Variants in CD44 observed in about 807,000 individuals in gnomAD.
The protein encoded by CD44 is CD44 antigen.
A neutral mutation model predicts 88.8 loss-of-function variants in CD44; 49 were observed. The ratio of observed to expected loss-of-function variants is 0.55; its 90% CI spans 0.44 to 0.70. The LOEUF (loss-of-function observed/expected upper bound fraction) is 0.70. Ranked by LOEUF, CD44 falls within the 30% of genes least tolerant of loss-of-function variation. The pLI, the probability that CD44 is intolerant of heterozygous loss-of-function variation, is 0.00. For missense variants in CD44, 883 were observed against 913.8 expected (o/e 0.97, Z 0.43); for synonymous variants, 325 against 312.3 (o/e 1.04, Z -0.43).
intron 4 of CD44, among the ~76,000 whole-genome samples, chr11:35,187,996 T>C (rs1002186363): frequency 3.3e-5 from 5 of 152,190 alleles, no homozygotes; most frequent in African/African-American, 1.2e-4. Context: ...TGAGCCACCA[T>C]GCCTGGCCTA....
intron 1 of CD44, among the ~76,000 whole-genome samples, chr11:35,158,395 A>C (rs1942179249): frequency 1.3e-5 from 2 of 152,232 alleles, no homozygotes. Context: ...CAGTTCTGCC[A>C]GTCACCAATT....
At chr11:35,156,105 G>A (rs775104440) in intron 1 of CD44, among the ~76,000 whole-genome samples, 6 of 152,172 alleles carry the variant, frequency 3.9e-5, no homozygotes, top group Admixed American at 2.0e-4. Context: ...CTTTCAAGGG[G>A]TCTGGAATTG....
Position 35,211,297 on chromosome 11 carries a change from C to T in CD44, c.1658C>T (p.Ser553Leu). Residue 553 changes from serine to leucine, a missense_variant, in exon 14 of 18, where the codon TCA (serine) becomes TTA (leucine). Transcript: ENST00000428726. Reference sequence around the variant, plus strand: ...AGAGACCCAAATCATTCTGAAGGCTCAACTACTTTACTGGAAGGTTATACC... The same window carrying T: ...AGAGACCCAAATCATTCTGAAGGCTTAACTACTTTACTGGAAGGTTATACC... ...GRRDPNHSEGSTTLLEGYTSH... is the reference protein window; with the variant it reads ...GRRDPNHSEGLTTLLEGYTSH... The T allele has an allele frequency of 6.2e-7, 1 of 1,613,932 alleles. No individual in the cohort carries two copies. Among genetic ancestry groups the T allele is most frequent in the Non-Finnish European group, 8.5e-7 (1 of 1,179,894 alleles).
rs773218236 is a variant in CD44, at chr11:35,211,453, A to G, written c.1810+4A>G. 1.1e-5 allele frequency: 17 copies of G among 1,609,318 alleles called. No homozygotes were observed. The highest frequency in any genetic ancestry group is 1.3e-5 in the African/African-American group (1 of 74,774). On this transcript the variant is annotated splice_donor_region_variant and intron_variant, in intron 14 of 17. Coordinates refer to ENST00000428726, the MANE Select transcript of CD44 (RefSeq NM_000610.4). ...AATGTCAATCGTTCCTTATCAGGTA[A>G]TTTGGCATTTATTATCTAGTTTGCT...
At chr11:35,186,605 G>A (rs967974531) in intron 3 of CD44, among the ~76,000 whole-genome samples, 2 of 152,132 alleles carry the variant, frequency 1.3e-5, no homozygotes, top group Non-Finnish European at 2.9e-5. Context: ...ACTGTGGTGG[G>A]AAAATTTCCG....
intron 1 of CD44, among the ~76,000 whole-genome samples, chr11:35,150,686 C>T (rs569979680): frequency 2.2e-4 from 34 of 152,240 alleles, no homozygotes; most frequent in Middle Eastern, 3.4e-3. Flanking sequence ...CTGTGCAATG[C>T]CCTCAGTTAT....
In CD44 at chr11:35,160,349, C is replaced by A. The variant is rs115964893; in HGVS notation, c.68-16226C>A. Among the ~76,000 whole-genome samples, 709 of 152,280 alleles carry A rather than the reference C, an allele frequency of 4.7e-3. 4 individuals are homozygous for A. Among genetic ancestry groups the A allele is most frequent in the African/African-American group, 0.016 (656 of 41,548 alleles). On this transcript the variant is annotated intron_variant, in intron 1 of 17. Transcript: ENST00000428726. The stretch of plus-strand genomic sequence containing the variant: ...GTTCTCATATCTGCGTGCTGAAAGG[C>A]GTTTATTTGGTGTATTCTGAGAGCA...
intron 5 of CD44, among the ~76,000 whole-genome samples, chr11:35,192,855 G>C (rs1456076455): frequency 7.2e-6 from 1 of 138,836 alleles, no homozygotes; most frequent in Non-Finnish European, 1.5e-5. Context: ...TAGAAATTCT[G>C]CTGGCTAGGC....
chr11:35,219,237 T>G, intron 15 of CD44, 79 bp from the exon 16 acceptor site: 2 of 1,009,124 alleles, frequency 2.0e-6, no homozygotes, highest in Non-Finnish European at 3.2e-6. Context: ...TGTGGAGAGC[T>G]GCCCTTTATG....
At chr11:35,222,020 A>G (rs1328029768) in intron 17 of CD44, among the ~76,000 whole-genome samples, 1 of 152,216 alleles carries the variant, frequency 6.6e-6, no homozygotes, top group East Asian at 1.9e-4. Flanking sequence ...ACTTTTAGGT[A>G]GTGGTTGAAT....
intron 1 of CD44, among the ~76,000 whole-genome samples, chr11:35,141,082 T>A (rs574476598): frequency 3.3e-5 from 5 of 152,212 alleles, no homozygotes; most frequent in African/African-American, 1.2e-4. Context: ...GTGCCAGGCA[T>A]TATGTTAAAT....
At chr11:35,176,191 C>T (rs1944449987) in intron 1 of CD44, among the ~76,000 whole-genome samples, 1 of 152,012 alleles carries the variant, frequency 6.6e-6, no homozygotes, top group Non-Finnish European at 1.5e-5. Context: ...TACAGGCGCC[C>T]GCCACCACGC....
intron 10 of CD44, chr11:35,204,935 G>A (rs1947686871): frequency 3.5e-6 from 1 of 281,808 alleles, no homozygotes; most frequent in Non-Finnish European, 6.8e-6. Context: ...TTGTAGCAGA[G>A]GCCCTGATAA....
chr11:35,198,424 G>A (rs1361483922), intron 7 of CD44, 178 bp downstream of exon 7: 2 of 537,114 alleles, frequency 3.7e-6, no homozygotes, highest in Admixed American at 6.8e-5. Flanking sequence ...TTTGAGAAGT[G>A]GGGAAAATAT....
intron 1 of CD44, among the ~76,000 whole-genome samples, chr11:35,170,663 CT>C (rs550696879): frequency 6.8e-4 from 104 of 152,188 alleles, no homozygotes; most frequent in Non-Finnish European, 1.2e-3. Flanking sequence ...GGAAAACATT[CT>C]TGGTTTATTT....
chr11:35,192,965 C>T (rs1376956751), intron 5 of CD44, among the ~76,000 whole-genome samples: 1 of 151,920 alleles, frequency 6.6e-6, no homozygotes, highest in Non-Finnish European at 1.5e-5. Flanking sequence ...TCCTCTGGTA[C>T]TATTTTTTCC....
Position 35,206,206 on chromosome 11 carries a change from C to A in CD44, c.1377C>A (p.His459Gln), listed in dbSNP as rs1018741798. The A allele has an allele frequency of 1.9e-6, 3 of 1,611,656 alleles. No homozygotes were observed. Among genetic ancestry groups the A allele is most frequent in the Admixed American group, 1.7e-5 (1 of 59,732 alleles). The change falls in exon 11 of 18, where the codon CAC becomes CAA. Residue 459 changes from histidine (H) to glutamine (Q), a missense_variant. His to Gln is a conservative substitution (Grantham distance 24). Transcript: ENST00000428726. ...SWTDFFNPIS[H>Q]PMGRGHQAGR... ...CTGATTTCTTCAACCCAATCTCACA[C>A]CCCATGGGACGAGGTCATCAAGCAG...
chr11:35,170,278 A>G (rs769376444), intron 1 of CD44, among the ~76,000 whole-genome samples: 6 of 152,174 alleles, frequency 3.9e-5, no homozygotes, highest in Non-Finnish European at 7.3e-5. Flanking sequence ...ACTAGGTTGA[A>G]CTACTGACCT....
intron 7 of CD44, among the ~76,000 whole-genome samples, chr11:35,199,719 A>C (rs528419405): frequency 6.6e-6 from 1 of 152,254 alleles, no homozygotes; most frequent in East Asian, 1.9e-4. Flanking sequence ...CCTTTTGGTA[A>C]CTTCAGAACA....
Sources: allele counts gnomAD v4.1 joint callset (sites outside exome capture counted in the v4.1 genomes callset), GRCh38; gene constraint gnomAD v4.1.1; transcripts MANE v1.5; gene names NCBI Gene and HGNC (gene_info 2026-07-23, HGNC 2026-07-21).